Variants in ANKFN1 observed in about 807,000 individuals in gnomAD.
The protein encoded by ANKFN1 is ankyrin repeat and fibronectin type-III domain-containing protein 1.
ANKFN1 carries 74 observed loss-of-function variants against 108.7 expected under a neutral mutation model. The observed-to-expected ratio is 0.68, with a 90% CI of 0.56 to 0.83. ANKFN1 has a LOEUF of 0.83. Among genes scored for constraint, ANKFN1 ranks in the 40% least tolerant of loss-of-function variants. ANKFN1 has a pLI of 0.00. For synonymous variants in ANKFN1, 547 were observed against 516.2 expected (o/e 1.06, Z -0.81); for missense variants, 1,505 against 1,382.3 (o/e 1.09, Z -1.41).
intron 1 of ANKFN1, among the ~76,000 whole-genome samples, chr17:56,208,683 G>A (rs1914727271): frequency 1.3e-5 from 2 of 152,070 alleles, no homozygotes; most frequent in Non-Finnish European, 2.9e-5. Flanking sequence ...TGATCTTCCT[G>A]GTCATCCTTT....
In ANKFN1 at chr17:56,414,655, G is replaced by A. The variant is rs777650339; in HGVS notation, c.911-25672G>A. Among the ~76,000 whole-genome samples the A allele has an allele frequency of 1.1e-4, 17 of 152,264 alleles. No individual in the cohort carries two copies. The South Asian group carries it at 1.4e-3, about 13-fold the overall frequency. On this transcript the variant is annotated intron_variant, in intron 8 of 20. Coordinates refer to ENST00000682825, the MANE Select transcript of ANKFN1 (RefSeq NM_001370326.1). ...AATATATCATATAATCAGAATGAAC[G>A]ACAAAAATCATATGATCATTTCAAT...
chr17:56,510,137 A>C (rs1356152523), intron 20 of ANKFN1, among the ~76,000 whole-genome samples: 1 of 152,238 alleles, frequency 6.6e-6, no homozygotes, highest in Non-Finnish European at 1.5e-5. Flanking sequence ...AGCCTGTTTC[A>C]TCCTCTCCAC....
chr17:56,451,647 A>G (rs913245094), intron 11 of ANKFN1, among the ~76,000 whole-genome samples: 1 of 152,168 alleles, frequency 6.6e-6, no homozygotes, highest in Admixed American at 6.5e-5. Flanking sequence ...TTGATCAGCA[A>G]AGTCAGGATA....
intron 4 of ANKFN1, among the ~76,000 whole-genome samples, chr17:56,326,899 G>T (rs1375422433): frequency 1.3e-5 from 2 of 152,304 alleles, no homozygotes; most frequent in African/African-American, 2.4e-5. Context: ...CATTATGACT[G>T]TGATACTGAG....
At position 56,480,874 on chromosome 17, in the gene ANKFN1, G is replaced by A. The variant is rs1403033843; in HGVS notation, c.2091+56G>A. 9 of 1,528,532 alleles carry A rather than the reference G, an allele frequency of 5.9e-6. No homozygotes were observed. The Admixed American group carries it at 8.6e-5, about 15-fold the overall frequency. The allele number at this position is 1,528,532 out of a possible 1,614,324, so 94.7% of individuals were successfully genotyped here. ...TTTTATGGCTCATGGAAACTGCATTGTAACATTAAGTGGGGTGTGTGTGTG... is the reference window on the plus strand; with the variant it reads ...TTTTATGGCTCATGGAAACTGCATTATAACATTAAGTGGGGTGTGTGTGTG... On this transcript the variant is annotated intron_variant, in intron 17 of 20. Transcript: ENST00000682825.
intron 11 of ANKFN1, among the ~76,000 whole-genome samples, chr17:56,454,063 T>C (rs1217331085): frequency 6.6e-6 from 1 of 152,216 alleles, no homozygotes; most frequent in Admixed American, 6.5e-5. Flanking sequence ...AAATTACTTC[T>C]TTAAGTATTT....
At chr17:56,484,210 G>A (rs1345274677) in intron 18 of ANKFN1, among the ~76,000 whole-genome samples, 1 of 152,166 alleles carries the variant, frequency 6.6e-6, no homozygotes, top group Non-Finnish European at 1.5e-5. Context: ...GAAAAGGTGG[G>A]ATGTAAATCT....
chr17:56,393,105 A>T (rs1226636279), intron 8 of ANKFN1, among the ~76,000 whole-genome samples: 2 of 152,032 alleles, frequency 1.3e-5, no homozygotes, highest in East Asian at 3.9e-4. Context: ...TCTTTCTCTT[A>T]AGTGTAAGGC....
intron 4 of ANKFN1, among the ~76,000 whole-genome samples, chr17:56,092,596 G>A (rs1905441154): frequency 6.6e-6 from 1 of 150,910 alleles, no homozygotes; most frequent in Admixed American, 6.6e-5. Context: ...TTTAAGCTGT[G>A]CAACAAATTC....
chr17:56,488,889 G>T lies in ANKFN1; in HGVS notation c.2261-3298G>T, dbSNP rs115615110. Among the ~76,000 whole-genome samples, 352 of 152,288 alleles carry T rather than the reference G, an allele frequency of 2.3e-3. 1 individual carries two copies. The highest frequency in any genetic ancestry group is 8.1e-3 in the African/African-American group (337 of 41,556). ...ACCACTAAATGCCTCATTCTTTCAG[G>T]GTAGTAAAAAGGTGTGGCAGAAGGA... On this transcript the variant is annotated intron_variant, in intron 18 of 20. Transcript: ENST00000682825.
At chr17:56,237,180 G>A (rs763407793) in intron 3 of ANKFN1, among the ~76,000 whole-genome samples, 13 of 152,032 alleles carry the variant, frequency 8.6e-5, no homozygotes, top group African/African-American at 1.2e-4. Flanking sequence ...TATTAAGGAC[G>A]TTTGCATCAA....
chr17:56,077,466 CT>C, intron 4 of ANKFN1, among the ~76,000 whole-genome samples: 2 of 152,302 alleles, frequency 1.3e-5, no homozygotes, highest in Admixed American at 1.3e-4. Context: ...CCCTCACCAA[CT>C]TTTTCATAAG....
chr17:56,274,451 C>T (rs1405273163), intron 3 of ANKFN1, among the ~76,000 whole-genome samples: 1 of 151,986 alleles, frequency 6.6e-6, no homozygotes, highest in Non-Finnish European at 1.5e-5. Context: ...CCAGCCTGGG[C>T]GACAGCGCGA....
At chr17:56,343,460 G>A (rs1465244915) in intron 4 of ANKFN1, among the ~76,000 whole-genome samples, 2 of 151,830 alleles carry the variant, frequency 1.3e-5, no homozygotes, top group African/African-American at 4.8e-5. Context: ...AAAATTAGCT[G>A]TTAATCTTTT....
At chr17:56,065,806 A>C (rs995269035) in intron 4 of ANKFN1, among the ~76,000 whole-genome samples, 2 of 137,020 alleles carry the variant, frequency 1.5e-5, no homozygotes, top group Non-Finnish European at 3.1e-5. Context: ...CATAACAGAT[A>C]CAGTAATAAC....
chr17:56,340,074 A>C (rs937294259), intron 4 of ANKFN1, among the ~76,000 whole-genome samples: 4 of 152,072 alleles, frequency 2.6e-5, no homozygotes, highest in Admixed American at 6.5e-5. Flanking sequence ...AGCTTTTTTC[A>C]TATGATTGTT....
intron 1 of ANKFN1, among the ~76,000 whole-genome samples, chr17:56,166,750 G>A (rs192013500): frequency 5.9e-5 from 9 of 152,160 alleles, no homozygotes; most frequent in Admixed American, 5.9e-4. Flanking sequence ...CTTCACTCCT[G>A]AATCCCCATA....
chr17:56,435,346 G>A (rs2048897954), intron 8 of ANKFN1, among the ~76,000 whole-genome samples: 2 of 152,194 alleles, frequency 1.3e-5, no homozygotes, highest in Non-Finnish European at 1.5e-5. Context: ...ATAGACTACA[G>A]AGGAGATGGA....
At chr17:56,155,763 C>T (rs1440670229) in intron 1 of ANKFN1, among the ~76,000 whole-genome samples, 1 of 152,082 alleles carries the variant, frequency 6.6e-6, no homozygotes, top group Non-Finnish European at 1.5e-5. Context: ...ACACAGATCA[C>T]AGGGGCCTTG....
Sources: gnomAD v4.1 joint callset for allele counts (sites outside exome capture counted in the v4.1 genomes callset) on GRCh38, gnomAD v4.1.1 for gene constraint, MANE v1.5 for transcripts, NCBI Gene and HGNC (gene_info 2026-07-23, HGNC 2026-07-21) for gene names.